The following SLC7A14 variants were observed in gnomAD, a reference collection of about 807,000 sequenced individuals.
The protein encoded by SLC7A14 is solute carrier family 7 member 14.
In SLC7A14, 37 loss-of-function variants were observed where a neutral mutation model predicts 60.2. That is an observed-to-expected ratio of 0.61 (90% CI 0.47 to 0.81). The LOEUF is 0.81. SLC7A14 is among the 30% of genes least tolerant of loss of function. SLC7A14 has a pLI of 0.00. For synonymous variants in SLC7A14, 399 were observed against 395.8 expected (o/e 1.01, Z -0.10); for missense variants, 886 against 982.7 (o/e 0.90, Z 1.32).
chr3:170,496,350 A>G (rs1244129515), intron 4 of SLC7A14: 24 of 1,314,432 alleles, frequency 1.8e-5, no homozygotes, highest in Non-Finnish European at 2.5e-5. Context: ...AAAGACTTAG[A>G]TCTCCGAGAT....
chr3:170,477,654 A>C (rs1711668255), intron 7 of SLC7A14, among the ~76,000 whole-genome samples: 1 of 152,242 alleles, frequency 6.6e-6, no homozygotes, highest in African/African-American at 2.4e-5. Flanking sequence ...TTTAAATTTA[A>C]AAAAGTCATC....
At chr3:170,501,086 G>A (rs1256958282) in intron 3 of SLC7A14, 23 bp downstream of exon 3, 2 of 1,609,830 alleles carry the variant, frequency 1.2e-6, no homozygotes, top group Admixed American at 1.7e-5. Flanking sequence ...CATGTTGAGG[G>A]TAGGAGGATG....
chr3:170,571,400 T>C (rs146985103), intron 1 of SLC7A14, among the ~76,000 whole-genome samples: 3 of 152,360 alleles, frequency 2.0e-5, no homozygotes, highest in Middle Eastern at 3.4e-3. Flanking sequence ...ATCTAGGCCT[T>C]TGTTTTTGTA....
chr3:170,523,327 CTT>C (rs908378596), intron 2 of SLC7A14, among the ~76,000 whole-genome samples: 3 of 152,200 alleles, frequency 2.0e-5, no homozygotes, highest in Admixed American at 6.5e-5. Context: ...ACATCCCACT[CTT>C]TATCATTTCC....
intron 1 of SLC7A14, among the ~76,000 whole-genome samples, chr3:170,550,813 C>T (rs914855633): frequency 1.3e-5 from 2 of 152,032 alleles, no homozygotes; most frequent in Non-Finnish European, 2.9e-5. Flanking sequence ...TGAGACACCG[C>T]GCCCAACCAT....
chr3:170,522,804 C>G (rs1713375132), intron 2 of SLC7A14, among the ~76,000 whole-genome samples: 1 of 152,066 alleles, frequency 6.6e-6, no homozygotes, highest in Admixed American at 6.5e-5. Context: ...AATTATAACT[C>G]AATAAAACTG....
At chr3:170,524,814 A>G (rs1221694635) in intron 2 of SLC7A14, among the ~76,000 whole-genome samples, 2 of 152,234 alleles carry the variant, frequency 1.3e-5, no homozygotes, top group African/African-American at 4.8e-5. Context: ...CTCAACTATT[A>G]GTGTATTAGT....
intron 4 of SLC7A14, among the ~76,000 whole-genome samples, chr3:170,497,087 CAAAAAAAAAAAA>C (rs548290941): frequency 7.4e-5 from 7 of 94,278 alleles, no homozygotes; most frequent in South Asian, 4.0e-4. Context: ...TTATTTTGTC[CAAAAAAAAAAAA>C]AAAAAAAAAA....
At position 170,501,236 on chromosome 3, in the gene SLC7A14, G is replaced by A. The variant is rs749472905; in HGVS notation, c.414C>T (p.Asn138=). 1.5e-5 allele frequency: 25 copies of A among 1,614,088 alleles called. No individual in the cohort carries two copies. Among genetic ancestry groups the A allele is most frequent in the Non-Finnish European group, 2.0e-5 (24 of 1,180,050 alleles). ...GEFVAFFIGW[N]LILEYLIGTA... ...TGCCAATCAGGTACTCCAGGATCAGGTTCCAGCCAATGAAAAATGCCACAA... is the reference window on the plus strand; with the variant it reads ...TGCCAATCAGGTACTCCAGGATCAGATTCCAGCCAATGAAAAATGCCACAA... Residue 138 remains asparagine, a synonymous_variant, in exon 3 of 8, where the codon AAC becomes AAT. Coordinates refer to ENST00000231706, the MANE Select transcript of SLC7A14 (RefSeq NM_020949.3).
At chr3:170,542,443 G>A (rs1246390515) in intron 1 of SLC7A14, among the ~76,000 whole-genome samples, 1 of 152,182 alleles carries the variant, frequency 6.6e-6, no homozygotes, top group Non-Finnish European at 1.5e-5. Flanking sequence ...CCTGGACTGT[G>A]TCTGCTCTCT....
intron 2 of SLC7A14, among the ~76,000 whole-genome samples, chr3:170,512,830 A>ATT (rs1267130018): frequency 2.0e-5 from 3 of 151,394 alleles, no homozygotes; most frequent in African/African-American, 7.3e-5. Flanking sequence ...CGCCCGGCTA[A>ATT]TTTTTTGTAT....
chr3:170,485,352 T>C (rs946573023), intron 5 of SLC7A14, among the ~76,000 whole-genome samples: 4 of 152,166 alleles, frequency 2.6e-5, no homozygotes, highest in Admixed American at 2.6e-4. Context: ...ATGTCTTTTT[T>C]GGGAAAGAGA....
intron 7 of SLC7A14, among the ~76,000 whole-genome samples, chr3:170,477,259 T>G (rs1711649955): frequency 6.6e-6 from 1 of 152,246 alleles, no homozygotes; most frequent in South Asian, 2.1e-4. Context: ...TCTTGGAGGT[T>G]CAGTTTAGTC....
intron 1 of SLC7A14, among the ~76,000 whole-genome samples, chr3:170,551,618 A>G (rs1362196406): frequency 2.0e-5 from 3 of 152,168 alleles, no homozygotes; most frequent in Admixed American, 6.5e-5. Context: ...GTTGTATCTC[A>G]TTGTGGTTTT....
rs184081104 is a variant in SLC7A14 at position 170,549,607 on chromosome 3, G to T, written c.-152-22519C>A. On this transcript the variant is annotated intron_variant, in intron 1 of 7. Transcript: ENST00000231706. ...AGCTGAGGAAGTTTGTTTAAATATC[G>T]CCAGTGTGACACTTATGACCGCAGA... Among the ~76,000 whole-genome samples, 214 of 152,216 alleles carry T rather than the reference G, an allele frequency of 1.4e-3. 1 individual carries two copies. Among genetic ancestry groups the T allele is most frequent in the African/African-American group, 5.1e-3 (212 of 41,526 alleles).
intron 1 of SLC7A14, among the ~76,000 whole-genome samples, chr3:170,544,562 A>G (rs1714122437): frequency 2.6e-5 from 4 of 152,176 alleles, no homozygotes; most frequent in Admixed American, 6.5e-5. Context: ...TACCTGATAA[A>G]CCCATCATAA....
At chr3:170,505,370 A>G (rs1172060256) in intron 2 of SLC7A14, among the ~76,000 whole-genome samples, 1 of 152,230 alleles carries the variant, frequency 6.6e-6, no homozygotes, top group East Asian at 1.9e-4. Flanking sequence ...TAATGTACGC[A>G]TGCCCCATCA....
chr3:170,490,682 C>A (rs1712187938), intron 4 of SLC7A14, among the ~76,000 whole-genome samples: 2 of 152,202 alleles, frequency 1.3e-5, no homozygotes, highest in Non-Finnish European at 2.9e-5. Context: ...ATGGGAGTGA[C>A]TGGCTTTAGT....
chr3:170,524,329 C>T (rs1231665255), intron 2 of SLC7A14, among the ~76,000 whole-genome samples: 1 of 152,204 alleles, frequency 6.6e-6, no homozygotes. Context: ...CAGCATAACA[C>T]AGTCTGGACC....
Sources: gnomAD v4.1 joint callset for allele counts (sites outside exome capture counted in the v4.1 genomes callset) on GRCh38, gnomAD v4.1.1 for gene constraint, MANE v1.5 for transcripts, NCBI Gene and HGNC (gene_info 2026-07-23, HGNC 2026-07-21) for gene names.